TOR1AIP2: variants seen among roughly 807,000 people sequenced by gnomAD.
The protein encoded by TOR1AIP2 is torsin-1A-interacting protein 2.
Under a neutral mutation model 32.6 loss-of-function variants are expected in TOR1AIP2, and 20 were observed. The ratio of observed to expected loss-of-function variants is 0.61; its 90% confidence interval spans 0.43 to 0.89. The LOEUF (loss-of-function observed/expected upper bound fraction) is 0.89, where lower values mean the gene tolerates loss of function less well. TOR1AIP2 is among the 40% of genes least tolerant of loss of function. The pLI, the probability that TOR1AIP2 is intolerant of heterozygous loss-of-function variation, is 0.00. For synonymous variants in TOR1AIP2, 214 were observed against 210.8 expected (o/e 1.02, Z -0.13); for missense variants, 456 against 553.8 (o/e 0.82, Z 1.77).
intron 6 of TOR1AIP2, among the ~76,000 whole-genome samples, chr1:179,847,054 G>T (rs1045682477): frequency 6.6e-6 from 1 of 152,152 alleles, no homozygotes; most frequent in Non-Finnish European, 1.5e-5. Context: ...TAAAAGCTAC[G>T]TGGAAGAGTT....
chr1:179,849,725 G>T, intron 5 of TOR1AIP2, among the ~76,000 whole-genome samples: 1 of 152,162 alleles, frequency 6.6e-6, no homozygotes, highest in African/African-American at 2.4e-5. Flanking sequence ...CCAAGTAACT[G>T]GGACTAGAGG....
intron 2 of TOR1AIP2, chr1:179,876,048 A>G (rs1419311387): frequency 6.6e-6 from 1 of 152,190 alleles, no homozygotes; most frequent in Non-Finnish European, 1.5e-5. Context: ...GAAGTTGTCG[A>G]ATCTCCAAGT....
intron 3 of TOR1AIP2, chr1:179,861,296 C>T (rs1409361859): frequency 1.0e-6 from 1 of 984,716 alleles, no homozygotes. Flanking sequence ...TTCATATCAA[C>T]TATGGAGTAT....
At position 179,846,091 on chromosome 1, in the gene TOR1AIP2, C is replaced by A. The variant is rs368274587; in HGVS notation, c.1393G>T (p.Glu465Ter). Residue 465 changes from glutamate to a stop codon, truncating the protein, a stop_gained, in exon 7 of 7, where the codon GAA becomes TAA. Transcript: ENST00000609928. LOFTEE classifies it high-confidence loss of function. ...TAGCTTTAGAAAAGGCACCCCTGTTCTTCTATGCTACTCACTGGCTGGACT... is the reference window on the plus strand; with the variant it reads ...TAGCTTTAGAAAAGGCACCCCTGTTATTCTATGCTACTCACTGGCTGGACT... ...LPVQPVSSIE[E>*]QGCLF 1 of 1,613,848 alleles carries A rather than the reference C, an allele frequency of 6.2e-7. No individual in the cohort carries two copies. Among genetic ancestry groups the A allele is most frequent in the Non-Finnish European group, 8.5e-7 (1 of 1,179,884 alleles).
chr1:179,848,448 T>A (rs1320973476), intron 5 of TOR1AIP2, among the ~76,000 whole-genome samples: 1 of 152,160 alleles, frequency 6.6e-6, no homozygotes, highest in African/African-American at 2.4e-5. Context: ...AATTTGAAAC[T>A]CTTAGTGAAG....
intron 2 of TOR1AIP2, among the ~76,000 whole-genome samples, chr1:179,871,656 G>A (rs1040214864): frequency 6.6e-6 from 1 of 152,144 alleles, no homozygotes; most frequent in Non-Finnish European, 1.5e-5. Context: ...ATAAAATCAA[G>A]ATAGGCACAT....
At chr1:179,855,611 T>C (rs1269537223) in intron 3 of TOR1AIP2, among the ~76,000 whole-genome samples, 1 of 152,166 alleles carries the variant, frequency 6.6e-6, no homozygotes, top group Non-Finnish European at 1.5e-5. Context: ...AGTAAACCTG[T>C]TACTACAACT....
chr1:179,852,698 T>C lies in TOR1AIP2; in HGVS notation c.-33A>G, dbSNP rs760929733. The C allele has an allele frequency of 1.9e-6, 3 of 1,613,920 alleles. No homozygotes were observed. The highest frequency in any genetic ancestry group is 2.5e-6 in the Non-Finnish European group (3 of 1,179,838). On this transcript the variant is annotated 5_prime_UTR_variant, in exon 4 of 7. Transcript: ENST00000609928. ...TTCTATCTCTTCAGAGTTGGGAGGA[T>C]ACTTTTTTTAGTACTTGGTTTTCCT...
chr1:179,865,302 T>C, intron 3 of TOR1AIP2, 134 bp downstream of exon 3: 2 of 1,264,882 alleles, frequency 1.6e-6, no homozygotes, highest in Non-Finnish European at 2.2e-6. Context: ...ACCAATATTA[T>C]TTGGAGAGCC....
Position 179,846,260 on chromosome 1 carries a change from A to C in TOR1AIP2, c.1224T>G (p.Ser408Arg). ...VLLEEETLEA[S>R]VGPRETEEKV... The stretch of plus-strand genomic sequence containing the variant: ...TTTCTTCCGTTTCCCTTGGGCCTAC[A>C]CTTGCTTCTAATGTTTCCTCCTCTA... Residue 408 changes from serine to arginine, a missense_variant, in exon 7 of 7, where the codon AGT (serine) becomes AGG (arginine). Coordinates refer to ENST00000609928, the MANE Select transcript of TOR1AIP2 (RefSeq NM_001199260.2). 1 of 1,614,152 alleles carries C rather than the reference A, an allele frequency of 6.2e-7. No individual in the cohort carries two copies. Among genetic ancestry groups the C allele is most frequent in the African/African-American group, 1.3e-5 (1 of 75,032 alleles).
intron 3 of TOR1AIP2, among the ~76,000 whole-genome samples, chr1:179,853,568 C>A (rs188745214): frequency 1.1e-3 from 171 of 152,136 alleles, no homozygotes; most frequent in African/African-American, 4.1e-3. Context: ...ATAATGATAT[C>A]TATGAGGCTT....
chr1:179,853,290 G>A (rs549261636), intron 3 of TOR1AIP2, among the ~76,000 whole-genome samples: 1 of 152,264 alleles, frequency 6.6e-6, no homozygotes, highest in South Asian at 2.1e-4. Context: ...CTGCTTTGAG[G>A]TGTACCACTA....
At chr1:179,862,486 C>T (rs1471090847) in intron 3 of TOR1AIP2, 1 of 985,230 alleles carries the variant, frequency 1.0e-6, no homozygotes, top group Non-Finnish European at 1.2e-6. Context: ...AGGAGAGAAC[C>T]TCCATTGTAA....
chr1:179,856,907 G>A (rs932775200), intron 3 of TOR1AIP2, among the ~76,000 whole-genome samples: 12 of 152,154 alleles, frequency 7.9e-5, no homozygotes, highest in Admixed American at 1.3e-4. Context: ...GAGCCACTGC[G>A]CCCAGCCAAG....
At chr1:179,871,729 G>T (rs1453450447) in intron 2 of TOR1AIP2, among the ~76,000 whole-genome samples, 1 of 152,082 alleles carries the variant, frequency 6.6e-6, no homozygotes, top group Non-Finnish European at 1.5e-5. Flanking sequence ...CTTCTAGGGG[G>T]TACTACAGTC....
chr1:179,873,364 T>C (rs1300448812), intron 2 of TOR1AIP2, among the ~76,000 whole-genome samples: 1 of 152,140 alleles, frequency 6.6e-6, no homozygotes, highest in Non-Finnish European at 1.5e-5. Flanking sequence ...CAGTTTAGAG[T>C]TTTACAATAT....
Position 179,840,917 on chromosome 1 carries a change from A to ATAATAATAATAAT in TOR1AIP2, c.*5153_*5154insATTATTATTATTA, listed in dbSNP as rs10522955. Reference sequence around the variant, plus strand: ...AATAATAATAATAATAATAATAATAAAGAAGTTATAGCACAGTTTATTAGC... The same window carrying ATAATAATAATAAT: ...AATAATAATAATAATAATAATAATAATAATAATAATAATAGAAGTTATAGCACAGTTTATTAGC... On this transcript the variant is annotated 3_prime_UTR_variant, in exon 7 of 7. Coordinates refer to ENST00000609928, the MANE Select transcript of TOR1AIP2 (RefSeq NM_001199260.2). 3 of 148,116 alleles carry ATAATAATAATAAT rather than the reference A, an allele frequency of 2.0e-5. No individual in the cohort carries two copies. The highest frequency in any genetic ancestry group is 2.6e-5 in the African/African-American group (1 of 38,590). 9.2% of individuals were successfully genotyped at this position (148,116 alleles called of 1,614,324 possible). A position where few individuals can be genotyped will look rare whatever the true frequency, so the allele number is the denominator to read the frequency against.
chr1:179,860,006 T>C, intron 3 of TOR1AIP2: 1 of 641,744 alleles, frequency 1.6e-6, no homozygotes, highest in Non-Finnish European at 1.9e-6. Context: ...CCAGCTAATT[T>C]TTTTCTTTTT....
intron 5 of TOR1AIP2, among the ~76,000 whole-genome samples, chr1:179,848,991 T>C (rs990724863): frequency 1.3e-5 from 2 of 150,908 alleles, no homozygotes; most frequent in Admixed American, 6.6e-5. Flanking sequence ...AAAAAATTAG[T>C]TGGGCACGGT....
Sources: gnomAD v4.1 joint callset for allele counts (sites outside exome capture counted in the v4.1 genomes callset) on GRCh38, gnomAD v4.1.1 for gene constraint, MANE v1.5 for transcripts, NCBI Gene and HGNC (gene_info 2026-07-23, HGNC 2026-07-21) for gene names.